GPAT4: variants seen among roughly 807,000 people sequenced by gnomAD.
GPAT4 encodes the protein 1-AGP acyltransferase 6.
Under a neutral mutation model 58.0 loss-of-function variants are expected in GPAT4, and 17 were observed. That is an observed-to-expected ratio of 0.29 (90% confidence interval 0.20 to 0.44). GPAT4 has a LOEUF of 0.44. Ranked by LOEUF, GPAT4 falls within the 20% of genes least tolerant of loss-of-function variation. The pLI is 1.00. For missense variants in GPAT4, 377 were observed against 574.5 expected (o/e 0.66, Z 3.51); for synonymous variants, 204 against 210.1 (o/e 0.97, Z 0.25).
chr8:41,590,631 G>A (rs532822211), intron 1 of GPAT4, among the ~76,000 whole-genome samples: 7 of 152,324 alleles, frequency 4.6e-5, no homozygotes, highest in Non-Finnish European at 1.0e-4. Context: ...GCGCAGTGCT[G>A]GGCATGTTGT....
chr8:41,616,172 T>C (rs1692288934), intron 10 of GPAT4, among the ~76,000 whole-genome samples: 1 of 152,266 alleles, frequency 6.6e-6, no homozygotes, highest in African/African-American at 2.4e-5. Flanking sequence ...GTGACCGTGA[T>C]GCTGGATGGA....
At chr8:41,586,430 T>TA (rs1447977070) in intron 1 of GPAT4, among the ~76,000 whole-genome samples, 7 of 152,198 alleles carry the variant, frequency 4.6e-5, no homozygotes, top group Non-Finnish European at 8.8e-5. Flanking sequence ...GGTATGTACT[T>TA]AGGAGTAGAA....
chr8:41,602,264 A>C (rs2150494856), intron 2 of GPAT4, among the ~76,000 whole-genome samples: 1 of 152,276 alleles, frequency 6.6e-6, no homozygotes, highest in African/African-American at 2.4e-5. Context: ...GGCCTGGGGC[A>C]CAGTGATTTA....
intron 10 of GPAT4, among the ~76,000 whole-genome samples, chr8:41,616,206 C>T (rs1585676025): frequency 6.6e-6 from 1 of 152,182 alleles, no homozygotes; most frequent in African/African-American, 2.4e-5. Context: ...GCCTCCAGAA[C>T]AGCAGCTCTT....
intron 2 of GPAT4, among the ~76,000 whole-genome samples, chr8:41,602,539 C>T (rs916696070): frequency 1.3e-5 from 2 of 152,042 alleles, no homozygotes; most frequent in Middle Eastern, 3.4e-3. Flanking sequence ...TGTTACTGCT[C>T]TGAGTCGATC....
chr8:41,600,063 G>A (rs1172702120), intron 2 of GPAT4, among the ~76,000 whole-genome samples: 1 of 57,840 alleles, frequency 1.7e-5, no homozygotes. Context: ...TTCGAGACAA[G>A]AGTCTCACTC....
chr8:41,619,455 G>A (rs1803688570), intron 12 of GPAT4: 1 of 176,034 alleles, frequency 5.7e-6, no homozygotes, highest in Admixed American at 5.4e-5. Flanking sequence ...GCCATATGGT[G>A]TCTGTTGCAG....
intron 4 of GPAT4, 113 bp downstream of exon 4, chr8:41,610,068 T>C (rs974634807): frequency 6.7e-7 from 1 of 1,502,618 alleles, no homozygotes; most frequent in South Asian, 1.4e-5. Flanking sequence ...GGAATGACTG[T>C]CGTTAGCCAG....
rs907594739 is a variant in GPAT4, at chr8:41,598,891, A to G, written c.-249A>G. ...TTTACTGAAGACCCATCTAGCTTCA[A>G]TCATCTTTAGAGTCCATCCATTCTG... On this transcript the variant is annotated 5_prime_UTR_variant, in exon 2 of 13. Coordinates refer to ENST00000396987, the MANE Select transcript of GPAT4 (RefSeq NM_178819.4). The G allele has an allele frequency of 1.3e-5, 6 of 468,060 alleles. No individual in the cohort carries two copies. The highest frequency in any genetic ancestry group is 8.4e-5 in the Admixed American group (2 of 23,846). The allele number at this position is 468,060 out of a possible 1,614,324, so 29.0% of individuals were successfully genotyped here.
At chr8:41,615,683 T>C (rs1391608306) in intron 10 of GPAT4, among the ~76,000 whole-genome samples, 1 of 152,130 alleles carries the variant, frequency 6.6e-6, no homozygotes, top group African/African-American at 2.4e-5. Flanking sequence ...CCTCTTCACA[T>C]CCACCAGGCC....
chr8:41,605,497 T>G (rs1018368013), intron 2 of GPAT4, among the ~76,000 whole-genome samples: 1 of 152,054 alleles, frequency 6.6e-6, no homozygotes, highest in African/African-American at 2.4e-5. Flanking sequence ...GGGAATGAGG[T>G]GGGTTACAAT....
chr8:41,583,869 TGCTGTCACGAATTTGTGC>T (rs1282348007), intron 1 of GPAT4, among the ~76,000 whole-genome samples: 2 of 152,240 alleles, frequency 1.3e-5, no homozygotes, highest in Non-Finnish European at 2.9e-5. Flanking sequence ...CAAAAAAGTC[TGCTGTCACGAATTTGTGC>T]GCTTGTGATG....
At chr8:41,583,986 G>T (rs1049799611) in intron 1 of GPAT4, among the ~76,000 whole-genome samples, 5 of 152,124 alleles carry the variant, frequency 3.3e-5, no homozygotes, top group Admixed American at 6.5e-5. Context: ...AGCCTCAGCC[G>T]ACTGGACTCA....
chr8:41,589,410 C>T (rs969946167), intron 1 of GPAT4, among the ~76,000 whole-genome samples: 23 of 151,696 alleles, frequency 1.5e-4, no homozygotes, highest in African/African-American at 5.6e-4. Flanking sequence ...CAGCAGGGGG[C>T]CTCTGAGCGG....
intron 1 of GPAT4, among the ~76,000 whole-genome samples, chr8:41,583,180 G>A (rs945215777): frequency 6.6e-6 from 1 of 151,682 alleles, no homozygotes; most frequent in Admixed American, 6.6e-5. Flanking sequence ...AGCAGAGATC[G>A]CACCACTGCA....
In GPAT4 at chr8:41,622,232, G is replaced by T. The variant is rs1288093554; in HGVS notation, c.*1231G>T. ...GAGGAGCAAGGGCCCGGGGAGGGCTGCAGAGGGGCCGGGGCGGGGCAGGGC... is the reference window on the plus strand; with the variant it reads ...GAGGAGCAAGGGCCCGGGGAGGGCTTCAGAGGGGCCGGGGCGGGGCAGGGC... On this transcript the variant is annotated 3_prime_UTR_variant, in exon 13 of 13. Coordinates refer to ENST00000396987, the MANE Select transcript of GPAT4 (RefSeq NM_178819.4). The T allele has an allele frequency of 6.6e-6, 1 of 152,458 alleles. No homozygotes were observed. Among genetic ancestry groups the T allele is most frequent in the Non-Finnish European group, 1.5e-5 (1 of 68,458 alleles). The allele number at this position is 152,458 out of a possible 1,614,324, so 9.4% of individuals were successfully genotyped here.
At chr8:41,598,249 C>T (rs1011281746) in intron 1 of GPAT4, 43 bp from the exon 2 acceptor site, 1 of 152,224 alleles carries the variant, frequency 6.6e-6, no homozygotes, top group Non-Finnish European at 1.5e-5. Flanking sequence ...CATTTTTCCT[C>T]TTGATTTGTG....
Position 41,622,965 on chromosome 8 carries a change from T to G in GPAT4, c.*1964T>G, listed in dbSNP as rs370944195. The G allele has an allele frequency of 2.0e-5, 3 of 152,382 alleles. No individual in the cohort carries two copies. The South Asian group carries it at 6.2e-4, about 32-fold the overall frequency. 9.4% of individuals were successfully genotyped at this position (152,382 alleles called of 1,614,324 possible). A position where few individuals can be genotyped will look rare whatever the true frequency, so the allele number is the denominator to read the frequency against. On this transcript the variant is annotated 3_prime_UTR_variant, in exon 13 of 13. Transcript: ENST00000396987. ...GGTCTTAAAAGATCAGGTTCTCTTT[T>G]AAAAAGTTCATCTGAAACTTTATGG...
In GPAT4 at chr8:41,599,096, T is replaced by C; in HGVS notation, c.-44T>C. 6.4e-7 allele frequency: 1 copy of C among 1,572,528 alleles called. No homozygotes were observed. Among genetic ancestry groups the C allele is most frequent in the Non-Finnish European group, 8.6e-7 (1 of 1,164,848 alleles). The stretch of plus-strand genomic sequence containing the variant: ...GAAGGACCATCTGAAGGCTGCAATT[T>C]GTTCTTAGGGAGGCAGGTGCTGGCC... On this transcript the variant is annotated 5_prime_UTR_variant, in exon 2 of 13. Coordinates refer to ENST00000396987, the MANE Select transcript of GPAT4 (RefSeq NM_178819.4).
Sources: gnomAD v4.1 joint callset for allele counts (sites outside exome capture counted in the v4.1 genomes callset) on GRCh38, gnomAD v4.1.1 for gene constraint, MANE v1.5 for transcripts, NCBI Gene and HGNC (gene_info 2026-07-23, HGNC 2026-07-21) for gene names.